Variants in CHD3 observed in about 807,000 individuals in gnomAD.
CHD3 encodes ATP-dependent chromatin remodeler CHD3.
Under a neutral mutation model 248.9 loss-of-function variants are expected in CHD3, and 52 were observed. The ratio of observed to expected loss-of-function variants is 0.21; its 90% CI spans 0.17 to 0.26. The LOEUF (loss-of-function observed/expected upper bound fraction) is 0.26, where lower values mean the gene tolerates loss of function less well. Among genes scored for constraint, CHD3 ranks in the 10% least tolerant of loss-of-function variants. The pLI is 1.00. For synonymous variants in CHD3, 985 were observed against 985.2 expected (o/e 1.00, Z 0.00); for missense variants, 1,482 against 2,605.8 (o/e 0.57, Z 9.39).
rs968835871 is a variant in CHD3, at chr17:7,906,768, C to G, written c.4503+71C>G. 1.9e-6 allele frequency: 3 copies of G among 1,586,136 alleles called. No homozygotes were observed. In the African/African-American group the frequency reaches 4.0e-5, roughly 21 times the overall value. On this transcript the variant is annotated intron_variant, in intron 29 of 39. Coordinates refer to ENST00000330494, the MANE Select transcript of CHD3 (RefSeq NM_001005273.3). This position sits in a 1 kb window ranked among gnomAD's most constrained non-coding sequence, Gnocchi z 5.0. ...CTCTGTCCTTCCTCTGCCTCTGTCC[C>G]TGAGTTGTAAGCTTGCGCTGGTGTG... is the stretch of plus-strand genomic sequence containing the variant.
Position 7,898,485 on chromosome 17 carries a change from T to A in CHD3, c.2052-11T>A, listed in dbSNP as rs147318467. On this transcript the variant is annotated splice_polypyrimidine_tract_variant and intron_variant, in intron 12 of 39. Transcript: ENST00000330494. ...AGGATGAGGCCTCATTCAGACCCACTCTTTTTCCAGAGAACTAATTATGGG... is the reference window on the plus strand; with the variant it reads ...AGGATGAGGCCTCATTCAGACCCACACTTTTTCCAGAGAACTAATTATGGG... The A allele has an allele frequency of 1.6e-5, 25 of 1,607,238 alleles. No homozygotes were observed. The highest frequency in any genetic ancestry group is 3.3e-4 in the Middle Eastern group (2 of 6,046).
chr17:7,907,721 C>T lies in CHD3; in HGVS notation c.5026+19C>T, dbSNP rs757141050. On this transcript the variant is annotated intron_variant, in intron 33 of 39. Transcript: ENST00000330494. This position sits in a 1 kb window ranked among gnomAD's most constrained non-coding sequence, Gnocchi z 4.3. ...AAGAGAGGTAATGGGTGGAAGGGAC[C>T]GGACACCTGGGTCCCAGAGGGCATC... The T allele has an allele frequency of 1.6e-5, 25 of 1,520,092 alleles. No homozygotes were observed. Among genetic ancestry groups the T allele is most frequent in the East Asian group, 2.4e-5 (1 of 41,772 alleles). The allele number at this position is 1,520,092 out of a possible 1,614,324, so 94.2% of individuals were successfully genotyped here. A position where few individuals can be genotyped will look rare whatever the true frequency, so the allele number is the denominator to read the frequency against.
Position 7,904,770 on chromosome 17 carries a change from A to T in CHD3, c.4072+151A>T, listed in dbSNP as rs997590993. On this transcript the variant is annotated intron_variant, in intron 25 of 39. Transcript: ENST00000330494. This position sits in a 1 kb window ranked among gnomAD's most constrained non-coding sequence, Gnocchi z 4.4. ...AAAGACATAAGGTAGAGTCATTAGG[A>T]ACTACCCAGAGGCCAGGTGGGTTTG... 4.2e-5 allele frequency: 34 copies of T among 817,970 alleles called. 1 individual carries two copies. In the South Asian group the frequency reaches 6.2e-4, roughly 15 times the overall value. 50.7% of individuals were successfully genotyped at this position (817,970 alleles called of 1,614,324 possible).
chr17:7,885,791 A>G (rs1967828275), upstream of CHD3, among the ~76,000 whole-genome samples: 1 of 152,156 alleles, frequency 6.6e-6, no homozygotes, highest in South Asian at 2.1e-4. Context: ...GGTCTTGTGA[A>G]TGTTTGTGGG....
upstream of CHD3, chr17:7,884,969 G>A (rs750594284): frequency 1.5e-6 from 2 of 1,324,852 alleles, no homozygotes; most frequent in African/African-American, 1.5e-5. Context: ...ACTCGGGCGC[G>A]GGCCGGGCCA....
upstream of CHD3, chr17:7,884,912 G>A (rs1567823515): frequency 1.4e-6 from 2 of 1,420,198 alleles, no homozygotes; most frequent in Non-Finnish European, 1.9e-6. Flanking sequence ...GGAGGAGGAG[G>A]TGGAGGCGGC....
In CHD3 at chr17:7,903,784, C is replaced by A. The variant is rs745706384; in HGVS notation, c.3728-41C>A. On this transcript the variant is annotated intron_variant, in intron 23 of 39. Transcript: ENST00000330494. The surrounding 1 kb of genome is among the most constrained non-coding windows in gnomAD (Gnocchi z 6.8). ...AAGCTTTCCCATCAGCCTTTCTAAA[C>A]TTTGGAACCCAAAGTTCCCGTTTGT... The A allele has an allele frequency of 6.2e-7, 1 of 1,606,154 alleles. No individual in the cohort carries two copies. Among genetic ancestry groups the A allele is most frequent in the East Asian group, 2.2e-5 (1 of 44,754 alleles).
intron 8 of CHD3, 74 bp downstream of exon 8, chr17:7,894,682 C>G (rs1231079814): frequency 4.0e-6 from 6 of 1,489,770 alleles, no homozygotes; most frequent in Non-Finnish European, 5.5e-6. Context: ...TTCACTTACC[C>G]TCTTCCTGCC....
rs1269022537 is a variant in CHD3 at position 7,908,097 on chromosome 17, C to T, written c.5152+78C>T. 1.4e-6 allele frequency: 2 copies of T among 1,475,456 alleles called. No individual in the cohort carries two copies. The highest frequency in any genetic ancestry group is 2.2e-5 in the Admixed American group (1 of 45,664). 91.4% of individuals were successfully genotyped at this position (1,475,456 alleles called of 1,614,324 possible). On this transcript the variant is annotated intron_variant, in intron 34 of 39. Coordinates refer to ENST00000330494, the MANE Select transcript of CHD3 (RefSeq NM_001005273.3). This position sits in a 1 kb window ranked among gnomAD's most constrained non-coding sequence, Gnocchi z 5.8. ...ATGGGGTTTCTCGTTTTGCCTGAGGCTTCCTGCTACCTTTAATTCCAAGTA... is the reference window on the plus strand; with the variant it reads ...ATGGGGTTTCTCGTTTTGCCTGAGGTTTCCTGCTACCTTTAATTCCAAGTA...
At position 7,895,255 on chromosome 17, in the gene CHD3, CT is replaced by C; in HGVS notation, c.1504-82del. The C allele has an allele frequency of 6.3e-7, 1 of 1,575,544 alleles. No individual in the cohort carries two copies. Among genetic ancestry groups the C allele is most frequent in the Non-Finnish European group, 8.7e-7 (1 of 1,154,004 alleles). On this transcript the variant is annotated intron_variant, in intron 9 of 39. Coordinates refer to ENST00000330494, the MANE Select transcript of CHD3 (RefSeq NM_001005273.3). The surrounding 1 kb of genome is among the most constrained non-coding windows in gnomAD (Gnocchi z 4.9). ...TTTCATTTCTCTGCACTCCCCCACC[CT>C]TGTGGGACCCCTATCTTCTCATCTA...
In CHD3 at chr17:7,893,526, C is replaced by T. The variant is rs1471733303; in HGVS notation, c.750C>T (p.Ile250=). The T allele has an allele frequency of 2.7e-6, 3 of 1,113,032 alleles. No homozygotes were observed. The highest frequency in any genetic ancestry group is 2.5e-6 in the Non-Finnish European group (2 of 785,652). 68.9% of individuals were successfully genotyped at this position (1,113,032 alleles called of 1,614,324 possible). A position where few individuals can be genotyped will look rare whatever the true frequency, so the allele number is the denominator to read the frequency against. ...TTCCACCACCCCCTGCTGCTGATAT[C>T]CAGCCCCCACCCATCCGAAGAGCCA... ...PALPPPPAAD[I]QPPPIRRAKT... Residue 250 remains isoleucine (I), a synonymous_variant, in exon 5 of 40, where the codon ATC becomes ATT. Coordinates refer to ENST00000330494, the MANE Select transcript of CHD3 (RefSeq NM_001005273.3).
chr17:7,908,099 T>A lies in CHD3; in HGVS notation c.5152+80T>A. 1 of 1,470,556 alleles carries A rather than the reference T, an allele frequency of 6.8e-7. No homozygotes were observed. The highest frequency in any genetic ancestry group is 9.2e-7 in the Non-Finnish European group (1 of 1,090,056). 91.1% of individuals were successfully genotyped at this position (1,470,556 alleles called of 1,614,324 possible). A position where few individuals can be genotyped will look rare whatever the true frequency, so the allele number is the denominator to read the frequency against. On this transcript the variant is annotated intron_variant, in intron 34 of 39. Coordinates refer to ENST00000330494, the MANE Select transcript of CHD3 (RefSeq NM_001005273.3). This position sits in a 1 kb window ranked among gnomAD's most constrained non-coding sequence, Gnocchi z 5.8. ...GGGGTTTCTCGTTTTGCCTGAGGCT[T>A]CCTGCTACCTTTAATTCCAAGTAAC...
At position 7,907,205 on chromosome 17, in the gene CHD3, G is replaced by C. The variant is rs372490885; in HGVS notation, c.4746G>C (p.Lys1582Asn). The C allele has an allele frequency of 1.2e-6, 2 of 1,614,258 alleles. No homozygotes were observed. Among genetic ancestry groups the C allele is most frequent in the Non-Finnish European group, 8.5e-7 (1 of 1,180,028 alleles). ...EKEEAENQEE[K>N]PEKNSRIGEK... Reference sequence around the variant, plus strand: ...AGGAAGCTGAAAACCAGGAGGAAAAGCCAGAGAAGAACAGCAGAATTGGGG... The same window carrying C: ...AGGAAGCTGAAAACCAGGAGGAAAACCCAGAGAAGAACAGCAGAATTGGGG... Residue 1582 changes from lysine to asparagine, a missense_variant, in exon 31 of 40, where the codon AAG becomes AAC. Transcript: ENST00000330494. This position sits in a 1 kb window ranked among gnomAD's most constrained non-coding sequence, Gnocchi z 4.3.
At position 7,909,965 on chromosome 17, in the gene CHD3, A is replaced by C; in HGVS notation, c.5591-463A>C. 1 of 241,796 alleles carries C rather than the reference A, an allele frequency of 4.1e-6. No homozygotes were observed. The highest frequency in any genetic ancestry group is 8.2e-6 in the Non-Finnish European group (1 of 121,822). 15.0% of individuals were successfully genotyped at this position (241,796 alleles called of 1,614,324 possible). A position where few individuals can be genotyped will look rare whatever the true frequency, so the allele number is the denominator to read the frequency against. Reference sequence around the variant, plus strand: ...CTTGAATCTGTAATACTGACCTTCTAACCTCCCTCTCCCCTTACATATTAA... The same window carrying C: ...CTTGAATCTGTAATACTGACCTTCTCACCTCCCTCTCCCCTTACATATTAA... On this transcript the variant is annotated intron_variant, in intron 37 of 39. Transcript: ENST00000330494. The surrounding 1 kb of genome is among the most constrained non-coding windows in gnomAD (Gnocchi z 8.1).
At chr17:7,892,926 A>G (rs1039656032) in intron 4 of CHD3, among the ~76,000 whole-genome samples, 9 of 151,802 alleles carry the variant, frequency 5.9e-5, no homozygotes, top group Admixed American at 1.3e-4. Flanking sequence ...AGGTGCTGCC[A>G]CACCCAGCTA....
At position 7,908,267 on chromosome 17, in the gene CHD3, C is replaced by A; in HGVS notation, c.5153-135C>A. On this transcript the variant is annotated intron_variant, in intron 34 of 39. Transcript: ENST00000330494. The surrounding 1 kb of genome is among the most constrained non-coding windows in gnomAD (Gnocchi z 5.8). ...GGTTAGAACTGAGTTTGTTCCAAAC[C>A]TAACCTTTACCCATTCCTCTTCAGG... 1 of 855,496 alleles carries A rather than the reference C, an allele frequency of 1.2e-6. No individual in the cohort carries two copies. The highest frequency in any genetic ancestry group is 1.8e-5 in the South Asian group (1 of 56,814). The allele number at this position is 855,496 out of a possible 1,614,324, so 53.0% of individuals were successfully genotyped here.
At chr17:7,886,220 C>G (rs1043686970), upstream of CHD3, among the ~76,000 whole-genome samples, 1 of 152,232 alleles carries the variant, frequency 6.6e-6, no homozygotes, top group Non-Finnish European at 1.5e-5. The surrounding 1 kb of genome is among the most constrained non-coding windows in gnomAD (Gnocchi z 4.2). Flanking sequence ...ACAAGTCACC[C>G]GGCGGCACTC....
rs1445112792 is a variant in CHD3, at chr17:7,908,397, T to C, written c.5153-5T>C. On this transcript the variant is annotated splice_region_variant and splice_polypyrimidine_tract_variant and intron_variant, in intron 34 of 39. Coordinates refer to ENST00000330494, the MANE Select transcript of CHD3 (RefSeq NM_001005273.3). The surrounding 1 kb of genome is among the most constrained non-coding windows in gnomAD (Gnocchi z 5.8). The stretch of plus-strand genomic sequence containing the variant: ...TACCTCTTCTGTCTGCTGCCTTCTT[T>C]GCAGAGCTTCACACACTGTGGCAGA... 10 of 1,611,522 alleles carry C rather than the reference T, an allele frequency of 6.2e-6. No homozygotes were observed. The highest frequency in any genetic ancestry group is 1.7e-6 in the Non-Finnish European group (2 of 1,178,624).
chr17:7,896,860 T>C (rs909466908), intron 10 of CHD3, among the ~76,000 whole-genome samples: 15 of 152,308 alleles, frequency 9.8e-5, no homozygotes, highest in African/African-American at 3.6e-4. Flanking sequence ...GGTTTCGCCA[T>C]GTTGGCCAGG....
Sources: gnomAD v4.1 joint callset for allele counts (sites outside exome capture counted in the v4.1 genomes callset) on GRCh38, gnomAD v4.1.1 for gene constraint, Gnocchi (gnomAD v3.1) non-coding constraint, MANE v1.5 for transcripts, NCBI Gene and HGNC (gene_info 2026-07-23, HGNC 2026-07-21) for gene names.